CRTAP: variants seen among roughly 807,000 people sequenced by gnomAD.
CRTAP encodes the protein cartilage-associated protein.
Under a neutral mutation model 42.7 loss-of-function variants are expected in CRTAP, and 33 were observed. That is an observed-to-expected ratio of 0.77 (90% CI 0.59 to 1.03). The LOEUF is 1.03. CRTAP is among the 50% of genes least tolerant of loss of function. The pLI, the probability that CRTAP is intolerant of heterozygous loss-of-function variation, is 0.00. For synonymous variants in CRTAP, 243 were observed against 217.7 expected (o/e 1.12, Z -1.02); for missense variants, 613 against 533.9 (o/e 1.15, Z -1.46).
At chr3:33,118,658 C>T (rs1036255956) in intron 1 of CRTAP, among the ~76,000 whole-genome samples, 5 of 152,242 alleles carry the variant, frequency 3.3e-5, no homozygotes, top group African/African-American at 7.2e-5. Flanking sequence ...CCCTAATTCC[C>T]GCCTTGGAGC....
chr3:33,138,994 A>G (rs1333250460), intron 6 of CRTAP, among the ~76,000 whole-genome samples: 1 of 152,164 alleles, frequency 6.6e-6, no homozygotes, highest in Non-Finnish European at 1.5e-5. Flanking sequence ...ATACAAAAAA[A>G]TTAGCTGGGC....
Position 33,130,057 on chromosome 3 carries a change from C to A in CRTAP, c.912C>A (p.Ala304=), listed in dbSNP as rs2030206403. The stretch of plus-strand genomic sequence containing the variant: ...CCATGTATCATTACTTGCAGTTTGC[C>A]TATTATAAGTGTAAGTAATCTTCTG... ...VATMYHYLQF[A]YYKLNDLKNA... The change falls in exon 4 of 7, where the codon GCC becomes GCA. Residue 304 remains alanine (A), a synonymous_variant. Coordinates refer to ENST00000320954, the MANE Select transcript of CRTAP (RefSeq NM_006371.5). The A allele has an allele frequency of 1.2e-6, 2 of 1,613,530 alleles. No individual in the cohort carries two copies. Among genetic ancestry groups the A allele is most frequent in the Admixed American group, 1.7e-5 (1 of 59,986 alleles).
rs1401656384 is a variant in CRTAP, at chr3:33,146,375, G to A, written c.*3927G>A. 2 of 152,220 alleles carry A rather than the reference G, an allele frequency of 1.3e-5. No individual in the cohort carries two copies. Among genetic ancestry groups the A allele is most frequent in the Non-Finnish European group, 2.9e-5 (2 of 68,064 alleles). The allele number at this position is 152,220 out of a possible 1,614,324, so 9.4% of individuals were successfully genotyped here. On this transcript the variant is annotated 3_prime_UTR_variant, in exon 7 of 7. Coordinates refer to ENST00000320954, the MANE Select transcript of CRTAP (RefSeq NM_006371.5). Reference sequence around the variant, plus strand: ...ATCTGTCCAGCCCCATTGCCACTCAGGGCATCCAAACAGGAGGCACCCGCT... The same window carrying A: ...ATCTGTCCAGCCCCATTGCCACTCAAGGCATCCAAACAGGAGGCACCCGCT...
chr3:33,125,018 G>T (rs1047887407), intron 3 of CRTAP, among the ~76,000 whole-genome samples: 1 of 152,188 alleles, frequency 6.6e-6, no homozygotes, highest in African/African-American at 2.4e-5. Context: ...AAAACAATGT[G>T]TGCTCATTAT....
At chr3:33,133,501 C>T (rs926938314) in intron 5 of CRTAP, among the ~76,000 whole-genome samples, 71 of 90,708 alleles carry the variant, frequency 7.8e-4, no homozygotes, top group African/African-American at 3.6e-3. Context: ...CTGCCCACCT[C>T]AGCCTTTCAA....
intron 2 of CRTAP, 125 bp downstream of exon 2, chr3:33,120,618 G>A: frequency 7.1e-7 from 1 of 1,415,264 alleles, no homozygotes; most frequent in Non-Finnish European, 9.7e-7. Context: ...TGAATATTAT[G>A]ACAATAGAAA....
chr3:33,123,950 T>C (rs2029978788), intron 2 of CRTAP, among the ~76,000 whole-genome samples: 1 of 152,240 alleles, frequency 6.6e-6, no homozygotes, highest in East Asian at 1.9e-4. Flanking sequence ...GTACTATTTA[T>C]ATACAATATA....
At chr3:33,121,411 CA>C (rs59483352) in intron 2 of CRTAP, among the ~76,000 whole-genome samples, 3 of 147,450 alleles carry the variant, frequency 2.0e-5, no homozygotes, top group Non-Finnish European at 3.0e-5. Flanking sequence ...GACTCTGTCT[CA>C]AAAAAAATGA....
intron 1 of CRTAP, 84 bp from the exon 2 acceptor site, chr3:33,120,260 T>A (rs750760651): frequency 1.6e-6 from 2 of 1,248,596 alleles, no homozygotes; most frequent in Non-Finnish European, 1.2e-6. Flanking sequence ...ACAAAGTTTC[T>A]GAAGGACTAA....
In CRTAP at chr3:33,128,889, A is replaced by G. The variant is rs544747038; in HGVS notation, c.794-1050A>G. Among the ~76,000 whole-genome samples, 4 of 152,330 alleles carry G rather than the reference A, an allele frequency of 2.6e-5. No homozygotes were observed. The East Asian group carries it at 7.7e-4, about 29-fold the overall frequency. ...GATTTTAGGGATTAGGCCTGGAAGT[A>G]GCATTCCTTAATTGTTACTCTCAAC... is the stretch of plus-strand genomic sequence containing the variant. On this transcript the variant is annotated intron_variant, in intron 3 of 6. Transcript: ENST00000320954.
chr3:33,130,826 G>T (rs763577448), intron 4 of CRTAP, among the ~76,000 whole-genome samples: 1 of 152,126 alleles, frequency 6.6e-6, no homozygotes, highest in African/African-American at 2.4e-5. Context: ...GAGCCACTGC[G>T]CCCGTCCTGT....
chr3:33,130,092 G>A, intron 4 of CRTAP, 25 bp downstream of exon 4: 2 of 1,608,890 alleles, frequency 1.2e-6, no homozygotes, highest in Middle Eastern at 1.7e-4. Flanking sequence ...GTGACATCTT[G>A]GGTGAGGCAC....
rs1350227859 is a variant in CRTAP at position 33,120,491 on chromosome 3, G to A, written c.619G>A (p.Glu207Lys). The A allele has an allele frequency of 6.2e-7, 1 of 1,608,760 alleles. No individual in the cohort carries two copies. Among genetic ancestry groups the A allele is most frequent in the East Asian group, 2.2e-5 (1 of 44,620 alleles). ...TAAAGACCTGGAAACCAAGTCATAT[G>A]AAGTATGTTTGGATTTTTATGTGGC... ...YIKDLETKSY[E>K]SLFIRAVRAY... is the part of the protein sequence containing the mutation. Residue 207 changes from glutamate to lysine, a missense_variant and splice_region_variant, in exon 2 of 7, where the codon GAA (glutamate) becomes AAA (lysine). By Grantham distance (56) the Glu-to-Lys change is moderately conservative. Transcript: ENST00000320954.
chr3:33,134,144 G>C (rs1312244268), intron 5 of CRTAP, 38 bp from the exon 6 acceptor site: 1 of 1,386,784 alleles, frequency 7.2e-7, no homozygotes, highest in Non-Finnish European at 1.0e-6. Context: ...AGATGAAAAG[G>C]TTGGTCCTAT....
intron 6 of CRTAP, among the ~76,000 whole-genome samples, chr3:33,141,179 C>A (rs887265789): frequency 2.6e-5 from 4 of 152,158 alleles, no homozygotes; most frequent in Admixed American, 2.0e-4. Flanking sequence ...GCATTTCTTT[C>A]GTCTGTGCTG....
chr3:33,133,718 G>A (rs1470077482), intron 5 of CRTAP, among the ~76,000 whole-genome samples: 1 of 152,118 alleles, frequency 6.6e-6, no homozygotes, highest in Non-Finnish European at 1.5e-5. Context: ...TCACATCCAT[G>A]TATCATCTTA....
intron 1 of CRTAP, among the ~76,000 whole-genome samples, chr3:33,114,985 C>T (rs1701327188): frequency 6.6e-6 from 1 of 152,120 alleles, no homozygotes; most frequent in Non-Finnish European, 1.5e-5. Flanking sequence ...TCACAGTCGC[C>T]CAGGCTGGAG....
chr3:33,129,540 T>TC (rs1458442651), intron 3 of CRTAP, among the ~76,000 whole-genome samples: 4 of 144,862 alleles, frequency 2.8e-5, no homozygotes, highest in Non-Finnish European at 6.1e-5. Flanking sequence ...TTTTTCTTTT[T>TC]TTTTTTTTTT....
rs778765349 is a variant in CRTAP at position 33,124,490 on chromosome 3, A to G, written c.704A>G (p.Asp235Gly). The change falls in exon 3 of 7, where the codon GAC becomes GGC. Residue 235 changes from aspartate to glycine, a missense_variant. Asp to Gly is a moderately conservative substitution (Grantham distance 94). Coordinates refer to ENST00000320954, the MANE Select transcript of CRTAP (RefSeq NM_006371.5). ...SITDMELALPDFFKAFYECLA... is the reference protein window; with the variant it reads ...SITDMELALPGFFKAFYECLA... ...ACAGACATGGAGCTGGCCCTTCCCG[A>G]CTTCTTCAAAGCCTTTTACGAGTGT... The G allele has an allele frequency of 6.2e-7, 1 of 1,614,188 alleles. No individual in the cohort carries two copies.
Sources: allele counts gnomAD v4.1 joint callset (sites outside exome capture counted in the v4.1 genomes callset), GRCh38; gene constraint gnomAD v4.1.1; transcripts MANE v1.5; gene names NCBI Gene and HGNC (gene_info 2026-07-23, HGNC 2026-07-21).